Variants in CTNNA2 observed in about 807,000 individuals in gnomAD.
CTNNA2 encodes catenin alpha-2.
A neutral mutation model predicts 101.0 loss-of-function variants in CTNNA2; 42 were observed. The ratio of observed to expected loss-of-function variants is 0.42; its 90% confidence interval spans 0.32 to 0.54. CTNNA2 has a LOEUF of 0.54. Among genes scored for constraint, CTNNA2 ranks in the 20% least tolerant of loss-of-function variants. CTNNA2 has a pLI of 0.14. For missense variants in CTNNA2, 871 were observed against 1,223.1 expected, an observed-to-expected ratio of 0.71 and a Z score of 4.29; for synonymous variants, 450 against 456.4, an observed-to-expected ratio of 0.99 and a Z score of 0.18.
At chr2:80,490,698 C>G (rs550304565) in intron 9 of CTNNA2, among the ~76,000 whole-genome samples, 22 of 152,084 alleles carry the variant, frequency 1.4e-4, no homozygotes, top group Non-Finnish European at 2.8e-4. Flanking sequence ...TAAATAATAT[C>G]TAAGAAAAAA....
At chr2:80,162,285 A>T in intron 7 of CTNNA2, 1 of 665,906 alleles carries the variant, frequency 1.5e-6, no homozygotes, top group South Asian at 2.8e-5. Context: ...ATGTAATAAA[A>T]CCACAATTCA....
intron 1 of CTNNA2, among the ~76,000 whole-genome samples, chr2:79,533,957 A>G (rs935008390): frequency 1.3e-5 from 2 of 151,974 alleles, no homozygotes; most frequent in South Asian, 2.1e-4. Context: ...TGCAGAATCC[A>G]CCAGAGGAAA....
intron 2 of CTNNA2, among the ~76,000 whole-genome samples, chr2:79,211,256 G>A (rs565466569): frequency 3.4e-4 from 51 of 152,152 alleles, no homozygotes; most frequent in African/African-American, 7.7e-4. Flanking sequence ...GAAAGTCTCC[G>A]GCACACTGTA....
chr2:80,170,401 T>C (rs928896157), intron 7 of CTNNA2, among the ~76,000 whole-genome samples: 2 of 152,208 alleles, frequency 1.3e-5, no homozygotes, highest in African/African-American at 2.4e-5. Flanking sequence ...CGTCACCTGA[T>C]CTAGGTTTTC....
intron 3 of CTNNA2, among the ~76,000 whole-genome samples, chr2:79,330,563 G>A (rs567178348): frequency 6.6e-6 from 1 of 152,174 alleles, no homozygotes; most frequent in Admixed American, 6.5e-5. Context: ...TAGTTTGGCT[G>A]TGTCCCCACC....
intron 7 of CTNNA2, among the ~76,000 whole-genome samples, chr2:80,271,049 A>G (rs1673425161): frequency 1.3e-5 from 2 of 152,192 alleles, no homozygotes; most frequent in Admixed American, 1.3e-4. Context: ...CAATTTCTCA[A>G]TCCCAATCCT....
At chr2:79,818,096 T>C (rs1370338382) in intron 3 of CTNNA2, among the ~76,000 whole-genome samples, 2 of 152,218 alleles carry the variant, frequency 1.3e-5, no homozygotes, top group Non-Finnish European at 2.9e-5. Flanking sequence ...TCTGAGTCTT[T>C]TTTAGCTTTT....
intron 4 of CTNNA2, among the ~76,000 whole-genome samples, chr2:79,471,779 A>G (rs1671001910): frequency 6.6e-6 from 1 of 152,096 alleles, no homozygotes; most frequent in South Asian, 2.1e-4. Context: ...CGGAGCTTGC[A>G]GTGAGCTGAG....
chr2:80,310,745 G>A (rs1573677201), intron 7 of CTNNA2, among the ~76,000 whole-genome samples: 1 of 152,124 alleles, frequency 6.6e-6, no homozygotes, highest in Non-Finnish European at 1.5e-5. Flanking sequence ...GCCGAGGCGG[G>A]TGGATCACTT....
chr2:80,281,692 A>G lies in CTNNA2; in HGVS notation c.1057-111519A>G, dbSNP rs188933039. Among the ~76,000 whole-genome samples the G allele has an allele frequency of 2.4e-3, 361 of 152,244 alleles. 1 individual carries two copies. Among genetic ancestry groups the G allele is most frequent in the African/African-American group, 8.2e-3 (341 of 41,540 alleles). ...GCAACTTCAGAAGATATATTGAAAC[A>G]AATCAACACTATGAATTTTGCAGTT... On this transcript the variant is annotated intron_variant, in intron 7 of 18. Coordinates refer to ENST00000402739, the MANE Select transcript of CTNNA2 (RefSeq NM_001282597.3).
intron 15 of CTNNA2, chr2:80,602,126 C>T (rs1697604741): frequency 6.6e-6 from 1 of 151,870 alleles, no homozygotes; most frequent in Admixed American, 6.6e-5. Context: ...TGAAATATAC[C>T]CTCATACCCA....
chr2:79,557,459 G>A (rs564870057), intron 1 of CTNNA2, among the ~76,000 whole-genome samples: 1 of 150,816 alleles, frequency 6.6e-6, no homozygotes, highest in East Asian at 2.0e-4. Flanking sequence ...CACTTTTTAG[G>A]TTTCCTTAGT....
chr2:79,626,160 C>A (rs911950432), intron 1 of CTNNA2, among the ~76,000 whole-genome samples: 1 of 152,142 alleles, frequency 6.6e-6, no homozygotes, highest in Admixed American at 6.5e-5. Flanking sequence ...GGAATCAGTT[C>A]CTCAAGCAGC....
At chr2:79,483,334 C>T (rs186439213) in intron 4 of CTNNA2, among the ~76,000 whole-genome samples, 189 of 152,338 alleles carry the variant, frequency 1.2e-3, no homozygotes, top group Non-Finnish European at 1.7e-3. Context: ...AATTTAGTGT[C>T]TTAAAACTAT....
chr2:80,591,826 A>G (rs1216812272), intron 15 of CTNNA2, among the ~76,000 whole-genome samples: 1 of 152,118 alleles, frequency 6.6e-6, no homozygotes, highest in Non-Finnish European at 1.5e-5. Context: ...CATTGTTATT[A>G]AAATTGGGAG....
At chr2:80,293,744 A>T (rs1164566573) in intron 7 of CTNNA2, among the ~76,000 whole-genome samples, 1 of 152,198 alleles carries the variant, frequency 6.6e-6, no homozygotes, top group East Asian at 1.9e-4. Flanking sequence ...TTATGTTTAC[A>T]TTCTTGGAAG....
intron 9 of CTNNA2, among the ~76,000 whole-genome samples, chr2:80,505,634 G>A (rs1361073849): frequency 6.6e-6 from 1 of 152,188 alleles, no homozygotes; most frequent in Non-Finnish European, 1.5e-5. Context: ...TTCCACAACA[G>A]TGGGCATATG....
intron 4 of CTNNA2, among the ~76,000 whole-genome samples, chr2:79,400,952 G>A (rs942314167): frequency 2.0e-5 from 3 of 151,976 alleles, no homozygotes; most frequent in African/African-American, 7.2e-5. Flanking sequence ...AGACTTCTCA[G>A]CAGAAACCAT....
intron 1 of CTNNA2, among the ~76,000 whole-genome samples, chr2:79,647,120 A>G (rs1680875207): frequency 6.6e-6 from 1 of 152,094 alleles, no homozygotes; most frequent in Admixed American, 6.6e-5. Context: ...TGGGATTGAG[A>G]CTATATATCA....
Sources: allele counts gnomAD v4.1 joint callset (sites outside exome capture counted in the v4.1 genomes callset), GRCh38; gene constraint gnomAD v4.1.1; transcripts MANE v1.5; gene names NCBI Gene and HGNC (gene_info 2026-07-23, HGNC 2026-07-21).